FBXL7: variants seen among roughly 807,000 people sequenced by gnomAD.
FBXL7 encodes F-box/LRR-repeat protein 7.
A neutral mutation model predicts 38.3 loss-of-function variants in FBXL7; 12 were observed. The observed-to-expected ratio is 0.31, with a 90% CI of 0.20 to 0.51. The LOEUF is 0.51. FBXL7 is among the 20% of genes least tolerant of loss of function. FBXL7 has a pLI of 0.98. For missense variants in FBXL7, 567 were observed against 676.4 expected (o/e 0.84, Z 1.79); for synonymous variants, 297 against 300.9 (o/e 0.99, Z 0.13).
Position 15,938,569 on chromosome 5 carries a change from C to T in FBXL7, c.*1383C>T, listed in dbSNP as rs549533409. 19 of 155,876 alleles carry T rather than the reference C, an allele frequency of 1.2e-4. No homozygotes were observed. Among genetic ancestry groups the T allele is most frequent in the South Asian group, 2.1e-4 (1 of 4,832 alleles). The allele number at this position is 155,876 out of a possible 1,614,324, so 9.7% of individuals were successfully genotyped here. On this transcript the variant is annotated 3_prime_UTR_variant, in exon 4 of 4. Coordinates refer to ENST00000504595, the MANE Select transcript of FBXL7 (RefSeq NM_012304.5). Reference sequence around the variant, plus strand: ...TGTGTACCTCCTCCATGTCTGTCTGCGTGTTTTCCACCAAAGAATGCAAAG... The same window carrying T: ...TGTGTACCTCCTCCATGTCTGTCTGTGTGTTTTCCACCAAAGAATGCAAAG...
chr5:15,508,643 A>G (rs1002474077), intron 1 of FBXL7, among the ~76,000 whole-genome samples: 2 of 152,136 alleles, frequency 1.3e-5, no homozygotes, highest in Non-Finnish European at 2.9e-5. Flanking sequence ...CTATCACATA[A>G]TCACATGTGA....
intron 2 of FBXL7, among the ~76,000 whole-genome samples, chr5:15,778,163 T>G (rs1276713014): frequency 6.6e-6 from 1 of 152,002 alleles, no homozygotes; most frequent in Non-Finnish European, 1.5e-5. Context: ...GCTCAGAAAA[T>G]GTATACTTTC....
chr5:15,597,837 A>G (rs1403290687), intron 1 of FBXL7, among the ~76,000 whole-genome samples: 6 of 152,226 alleles, frequency 3.9e-5, no homozygotes, highest in Non-Finnish European at 8.8e-5. Context: ...AATAACAGCT[A>G]TCCCTGGACT....
intron 2 of FBXL7, among the ~76,000 whole-genome samples, chr5:15,822,768 C>T (rs143186137): frequency 1.3e-5 from 2 of 151,948 alleles, no homozygotes; most frequent in African/African-American, 4.8e-5. Flanking sequence ...CCTGATTTGC[C>T]CCCATTTTAT....
At chr5:15,563,905 C>CA (rs536610537) in intron 1 of FBXL7, among the ~76,000 whole-genome samples, 79 of 148,482 alleles carry the variant, frequency 5.3e-4, no homozygotes, top group East Asian at 9.9e-4. Flanking sequence ...CTAAATATTT[C>CA]AAAAAAAAAT....
chr5:15,785,041 T>C (rs1737097863), intron 2 of FBXL7, among the ~76,000 whole-genome samples: 1 of 152,170 alleles, frequency 6.6e-6, no homozygotes, highest in Non-Finnish European at 1.5e-5. Context: ...AGGTCTATAC[T>C]GCAGCCTAGG....
chr5:15,904,768 C>T (rs1341788957), intron 2 of FBXL7, among the ~76,000 whole-genome samples: 1 of 151,768 alleles, frequency 6.6e-6, no homozygotes, highest in Non-Finnish European at 1.5e-5. Flanking sequence ...AATACATTAG[C>T]CTAAGAAAAA....
At chr5:15,736,873 A>G (rs1426560310) in intron 2 of FBXL7, among the ~76,000 whole-genome samples, 2 of 152,328 alleles carry the variant, frequency 1.3e-5, no homozygotes, top group South Asian at 2.1e-4. Context: ...ATATCCACTC[A>G]TGACTACTGA....
At chr5:15,857,348 G>T (rs1186641519) in intron 2 of FBXL7, among the ~76,000 whole-genome samples, 1 of 152,132 alleles carries the variant, frequency 6.6e-6, no homozygotes, top group East Asian at 1.9e-4. Context: ...TATCAACTCT[G>T]TGAGTTGGGT....
At chr5:15,597,691 AAGT>A (rs1739665721) in intron 1 of FBXL7, among the ~76,000 whole-genome samples, 1 of 152,108 alleles carries the variant, frequency 6.6e-6, no homozygotes, top group African/African-American at 2.4e-5. Context: ...CTAGAGGGAA[AAGT>A]AGTTCGAATG....
chr5:15,577,472 G>A (rs966550830), intron 1 of FBXL7, among the ~76,000 whole-genome samples: 5 of 152,126 alleles, frequency 3.3e-5, no homozygotes, highest in Admixed American at 1.3e-4. Context: ...TTGCATCATC[G>A]TTCGTTGCAG....
intron 2 of FBXL7, among the ~76,000 whole-genome samples, chr5:15,685,117 C>T (rs559463382): frequency 6.6e-6 from 1 of 152,016 alleles, no homozygotes; most frequent in Non-Finnish European, 1.5e-5. Flanking sequence ...ACCTGATAGA[C>T]AGAAGTATCT....
intron 1 of FBXL7, among the ~76,000 whole-genome samples, chr5:15,576,072 CTTTTTTTTTTTT>C (rs35832237): frequency 9.4e-5 from 7 of 74,260 alleles, no homozygotes; most frequent in East Asian, 8.9e-4. Flanking sequence ...GAATCTCATT[CTTTTTTTTTTTT>C]TTTTTTTTTT....
chr5:15,923,953 G>T (rs535698726), intron 2 of FBXL7, among the ~76,000 whole-genome samples: 1 of 152,104 alleles, frequency 6.6e-6, no homozygotes, highest in Non-Finnish European at 1.5e-5. Context: ...AGGCAGGCAG[G>T]AGAGGGATTT....
At position 15,502,803 on chromosome 5, in the gene FBXL7, A is replaced by G. The variant is rs530044279; in HGVS notation, c.37+2090A>G. Among the ~76,000 whole-genome samples the G allele has an allele frequency of 1.6e-4, 24 of 152,346 alleles. No individual in the cohort carries two copies. The East Asian group carries it at 3.9e-3, about 24-fold the overall frequency. ...AGATTGCAAATAACCTGCTGGGCTCAGGTGTGGCAGTGCCATCTTTCTTAT... is the reference window on the plus strand; with the variant it reads ...AGATTGCAAATAACCTGCTGGGCTCGGGTGTGGCAGTGCCATCTTTCTTAT... On this transcript the variant is annotated intron_variant, in intron 1 of 3. Coordinates refer to ENST00000504595, the MANE Select transcript of FBXL7 (RefSeq NM_012304.5).
intron 2 of FBXL7, among the ~76,000 whole-genome samples, chr5:15,775,947 G>A (rs1015929141): frequency 7.9e-5 from 12 of 152,138 alleles, no homozygotes; most frequent in Middle Eastern, 3.4e-3. Context: ...AAGAGACTAC[G>A]TTTTTAACTA....
chr5:15,822,804 GATAGA>G (rs768241865), intron 2 of FBXL7, among the ~76,000 whole-genome samples: 18 of 152,072 alleles, frequency 1.2e-4, no homozygotes, highest in Non-Finnish European at 2.5e-4. Flanking sequence ...GGCACACAGA[GATAGA>G]ATAGGAGTTC....
intron 3 of FBXL7, among the ~76,000 whole-genome samples, chr5:15,929,317 G>A (rs1200037146): frequency 6.6e-6 from 1 of 152,190 alleles, no homozygotes; most frequent in Non-Finnish European, 1.5e-5. Flanking sequence ...TAAATCTTTA[G>A]TGCTTTTAAA....
chr5:15,783,341 A>G (rs59295191), intron 2 of FBXL7, among the ~76,000 whole-genome samples: 2 of 152,172 alleles, frequency 1.3e-5, no homozygotes, highest in East Asian at 3.9e-4. Context: ...CCTGGAAATG[A>G]GAAGGTCCTG....
Sources: allele counts gnomAD v4.1 joint callset (sites outside exome capture counted in the v4.1 genomes callset), GRCh38; gene constraint gnomAD v4.1.1; transcripts MANE v1.5; gene names NCBI Gene and HGNC (gene_info 2026-07-23, HGNC 2026-07-21).